The following AGBL1 variants were observed in gnomAD, a reference collection of about 807,000 sequenced individuals.
The protein encoded by AGBL1 is AGBL carboxypeptidase 1.
In AGBL1, 130 loss-of-function variants were observed where a neutral mutation model predicts 118.9. The ratio of observed to expected loss-of-function variants is 1.09; its 90% CI spans 0.95 to 1.26. The LOEUF is 1.26. AGBL1 is among the 50% of genes most tolerant of loss of function. The pLI is 0.00. For synonymous variants in AGBL1, 555 were observed against 478.9 expected (o/e 1.16, Z -2.08); for missense variants, 1,584 against 1,298.1 (o/e 1.22, Z -3.38).
intron 24 of AGBL1, among the ~76,000 whole-genome samples, chr15:87,005,789 G>A (rs956722600): frequency 2.0e-5 from 3 of 152,136 alleles, no homozygotes; most frequent in Non-Finnish European, 2.9e-5. Context: ...AGAATTTTCA[G>A]TTTTTCTGCT....
chr15:86,611,301 C>T (rs949254051), intron 21 of AGBL1, among the ~76,000 whole-genome samples: 2 of 152,084 alleles, frequency 1.3e-5, no homozygotes, highest in African/African-American at 4.8e-5. Flanking sequence ...AGAGTGTCAC[C>T]AATATATTTG....
chr15:86,881,907 G>A (rs2079897219), intron 22 of AGBL1, among the ~76,000 whole-genome samples: 1 of 152,130 alleles, frequency 6.6e-6, no homozygotes, highest in Non-Finnish European at 1.5e-5. Context: ...AGTACCAAAA[G>A]GGGATGGTGG....
chr15:86,376,184 AC>A (rs2081039154), intron 17 of AGBL1, among the ~76,000 whole-genome samples: 1 of 152,232 alleles, frequency 6.6e-6, no homozygotes, highest in African/African-American at 2.4e-5. Flanking sequence ...GAAGGATGCC[AC>A]TGATGTCAGA....
chr15:86,271,598 T>C (rs1361560881), intron 14 of AGBL1, 21 bp from the exon 15 acceptor site: 5 of 1,576,224 alleles, frequency 3.2e-6, no homozygotes, highest in Non-Finnish European at 4.4e-6. Context: ...CATGGATTAA[T>C]TCCTTTCTGA....
intron 18 of AGBL1, among the ~76,000 whole-genome samples, chr15:86,463,676 A>G (rs376346809): frequency 1.3e-5 from 2 of 152,200 alleles, no homozygotes; most frequent in African/African-American, 2.4e-5. Flanking sequence ...AGTTTTCCCA[A>G]CACCATTTAT....
chr15:86,538,233 T>C (rs1363845384), intron 19 of AGBL1, among the ~76,000 whole-genome samples: 3 of 152,214 alleles, frequency 2.0e-5, no homozygotes, highest in African/African-American at 2.4e-5. Context: ...CTTTGGCCCA[T>C]GATGACCCAA....
At position 86,155,701 on chromosome 15, in the gene AGBL1, G is replaced by A. The variant is rs535215222; in HGVS notation, c.394+1140G>A. ...TATAGTTGATAGGGGAAAGAACGTG[G>A]GCTTAGAGCCAAAAAGACCTGAGTT... On this transcript the variant is annotated intron_variant, in intron 4 of 22. Transcript: ENST00000614907. 3.9e-5 allele frequency among the ~76,000 whole-genome samples: 6 copies of A among 151,976 alleles called. No homozygotes were observed. In the East Asian group the frequency reaches 9.7e-4, roughly 25 times the overall value.
chr15:86,560,332 T>A (rs1343160204), intron 21 of AGBL1, among the ~76,000 whole-genome samples: 3 of 140,820 alleles, frequency 2.1e-5, no homozygotes, highest in Non-Finnish European at 3.1e-5. Flanking sequence ...ATGTTCCCCT[T>A]CCTGTGTCCA....
At chr15:86,592,187 A>T (rs1361189182) in intron 21 of AGBL1, among the ~76,000 whole-genome samples, 1 of 152,040 alleles carries the variant, frequency 6.6e-6, no homozygotes, top group East Asian at 1.9e-4. Context: ...GTAATGAGTC[A>T]TTTTCCTTTG....
rs371158215 is a variant in AGBL1 at position 86,546,135 on chromosome 15, T to C, written c.2817+2T>C. The C allele has an allele frequency of 1.6e-4, 257 of 1,611,056 alleles. No homozygotes were observed. The highest frequency in any genetic ancestry group is 1.3e-3 in the Middle Eastern group (8 of 6,040). ...ATCCTAGAGGAGGTCAACTACAGGG[T>C]AAGCCGCTGTGGGGAATGACATCAG... On this transcript the variant is annotated splice_donor_variant, in intron 20 of 22. Coordinates refer to ENST00000614907, the MANE Select transcript of AGBL1 (RefSeq NM_001386094.1). LOFTEE classifies it high-confidence loss of function.
rs781152551 is a variant in AGBL1, at chr15:86,279,624, C to G, written c.2076-15C>G. The G allele has an allele frequency of 1.9e-6, 3 of 1,612,250 alleles. No homozygotes were observed. The highest frequency in any genetic ancestry group is 2.5e-6 in the Non-Finnish European group (3 of 1,178,510). ...CTCTCCCTTATTCTCTTCTCTTCTCCTCCTCTCTCTTTAGAAATCATTATC... is the reference window on the plus strand; with the variant it reads ...CTCTCCCTTATTCTCTTCTCTTCTCGTCCTCTCTCTTTAGAAATCATTATC... On this transcript the variant is annotated splice_polypyrimidine_tract_variant and intron_variant, in intron 15 of 22. Coordinates refer to ENST00000614907, the MANE Select transcript of AGBL1 (RefSeq NM_001386094.1).
chr15:86,672,698 C>T (rs1237874275), intron 21 of AGBL1, among the ~76,000 whole-genome samples: 1 of 151,982 alleles, frequency 6.6e-6, no homozygotes, highest in Non-Finnish European at 1.5e-5. Flanking sequence ...AAAAGAGACT[C>T]AGATTTCTCT....
rs980837655 is a variant in AGBL1, at chr15:86,895,370, T to C, written c.3159-11717T>C. On this transcript the variant is annotated intron_variant, in intron 22 of 22. Coordinates refer to ENST00000614907, the MANE Select transcript of AGBL1 (RefSeq NM_001386094.1). The stretch of plus-strand genomic sequence containing the variant: ...CCACTGTCAGCCTACAAGAGTAGAC[T>C]TTCCAGTTCTTTATCTGACATGTTT... 4.0e-5 allele frequency among the ~76,000 whole-genome samples: 6 copies of C among 151,862 alleles called. 1 individual carries two copies. Among genetic ancestry groups the C allele is most frequent in the African/African-American group, 9.7e-5 (4 of 41,422 alleles).
chr15:86,293,906 A>T (rs768573922), intron 16 of AGBL1, among the ~76,000 whole-genome samples: 2 of 151,958 alleles, frequency 1.3e-5, no homozygotes, highest in African/African-American at 2.4e-5. Flanking sequence ...TTGTGGAAAA[A>T]ACTTTCTACA....
chr15:86,888,419 T>C (rs2080003299), intron 22 of AGBL1, among the ~76,000 whole-genome samples: 1 of 152,066 alleles, frequency 6.6e-6, no homozygotes, highest in Admixed American at 6.6e-5. Flanking sequence ...AGATGAATCA[T>C]ATACCTTTAT....
chr15:86,749,410 G>A (rs1379614358), intron 22 of AGBL1, among the ~76,000 whole-genome samples: 1 of 152,042 alleles, frequency 6.6e-6, no homozygotes, highest in East Asian at 1.9e-4. Context: ...GAGATTTTGG[G>A]CTGAGACAAT....
chr15:86,793,373 A>G (rs12900638), intron 22 of AGBL1, among the ~76,000 whole-genome samples: 58,041 of 152,102 alleles, frequency 0.38, 12,590 homozygotes, highest in Non-Finnish European at 0.51. Context: ...GAGTTCCAAG[A>G]TCATTCAGTA....
chr15:86,537,786 C>T lies in AGBL1; in HGVS notation c.2686-8216C>T, dbSNP rs2083445559. On this transcript the variant is annotated intron_variant, in intron 19 of 22. Transcript: ENST00000614907. ...CCTTTAACTTTAGAAGAAATTGAAC[C>T]TCATCTCTATATTTGGATAACATCC... is the stretch of plus-strand genomic sequence containing the variant. Among the ~76,000 whole-genome samples the T allele has an allele frequency of 2.0e-5, 3 of 152,130 alleles. No individual in the cohort carries two copies. The South Asian group carries it at 6.2e-4, about 32-fold the overall frequency.
intron 21 of AGBL1, among the ~76,000 whole-genome samples, chr15:86,565,379 G>A (rs141148253): frequency 0.011 from 1,731 of 152,288 alleles, 39 homozygotes; most frequent in African/African-American, 0.04. Flanking sequence ...GGTCTGTTGC[G>A]GTTTGCTGGA....
Sources: gnomAD v4.1 joint callset for allele counts (sites outside exome capture counted in the v4.1 genomes callset) on GRCh38, gnomAD v4.1.1 for gene constraint, MANE v1.5 for transcripts, NCBI Gene and HGNC (gene_info 2026-07-23, HGNC 2026-07-21) for gene names.